Variants in CNTNAP2 observed in about 807,000 individuals in gnomAD.
CNTNAP2 encodes contactin-associated protein-like 2.
CNTNAP2 carries 98 observed loss-of-function variants against 155.2 expected under a neutral mutation model. The observed-to-expected ratio is 0.63, with a 90% CI of 0.54 to 0.75. The LOEUF (loss-of-function observed/expected upper bound fraction) is 0.75, where lower values mean the gene tolerates loss of function less well. CNTNAP2 is among the 30% of genes least tolerant of loss of function. The pLI is 0.00. For missense variants in CNTNAP2, 1,727 were observed against 1,688.1 expected (o/e 1.02, Z -0.40); for synonymous variants, 651 against 631.2 (o/e 1.03, Z -0.47).
At chr7:146,904,599 GTA>G (rs1465473130) in intron 3 of CNTNAP2, among the ~76,000 whole-genome samples, 1 of 152,114 alleles carries the variant, frequency 6.6e-6, no homozygotes, top group Non-Finnish European at 1.5e-5. Flanking sequence ...AGCCTCCTGA[GTA>G]GCTGGGACTA....
chr7:148,265,700 T>C (rs1032373178), intron 20 of CNTNAP2, among the ~76,000 whole-genome samples: 1 of 152,224 alleles, frequency 6.6e-6, no homozygotes, highest in African/African-American at 2.4e-5. Flanking sequence ...ATACTACTCA[T>C]GCACAAAAAC....
chr7:147,979,147 T>C (rs1214938818), intron 15 of CNTNAP2, among the ~76,000 whole-genome samples: 1 of 152,226 alleles, frequency 6.6e-6, no homozygotes, highest in Non-Finnish European at 1.5e-5. Context: ...AATGCCATGT[T>C]CCTAATACAA....
At chr7:147,960,145 T>C (rs761613878) in intron 14 of CNTNAP2, among the ~76,000 whole-genome samples, 1 of 152,116 alleles carries the variant, frequency 6.6e-6, no homozygotes, top group Non-Finnish European at 1.5e-5. Context: ...GGAGTGGTTA[T>C]AGTTTAGGCT....
intron 9 of CNTNAP2, among the ~76,000 whole-genome samples, chr7:147,320,813 T>G (rs558920529): frequency 1.3e-5 from 2 of 152,298 alleles, no homozygotes; most frequent in South Asian, 4.1e-4. Context: ...AGAAGCCATA[T>G]CGTGATCCTA....
chr7:147,802,487 T>C lies in CNTNAP2; in HGVS notation c.2099-101078T>C, dbSNP rs1405684317. 2.0e-5 allele frequency among the ~76,000 whole-genome samples: 3 copies of C among 152,236 alleles called. No homozygotes were observed. The East Asian group carries it at 5.8e-4, about 30-fold the overall frequency. The stretch of plus-strand genomic sequence containing the variant: ...CCACTGCACTCCAGCCTGGGCACCA[T>C]TGAGCACTGAGTGAACCAGACTCCG... On this transcript the variant is annotated intron_variant, in intron 13 of 23. Transcript: ENST00000361727.
At chr7:146,796,870 C>T (rs1802779856) in intron 2 of CNTNAP2, among the ~76,000 whole-genome samples, 1 of 152,140 alleles carries the variant, frequency 6.6e-6, no homozygotes, top group Non-Finnish European at 1.5e-5. Context: ...GGCGCGGTGG[C>T]TCACACCTGT....
chr7:146,747,468 A>G (rs1801828498), intron 1 of CNTNAP2, among the ~76,000 whole-genome samples: 1 of 152,184 alleles, frequency 6.6e-6, no homozygotes, highest in Non-Finnish European at 1.5e-5. Context: ...TTTTATTCTT[A>G]AGGAGGAAAA....
At chr7:146,816,009 G>T (rs765408950) in intron 2 of CNTNAP2, among the ~76,000 whole-genome samples, 4 of 152,172 alleles carry the variant, frequency 2.6e-5, no homozygotes, top group Non-Finnish European at 5.9e-5. Context: ...AGAACATGTG[G>T]TGTTTGGTTT....
chr7:146,744,227 C>CAAAA (rs60606492), intron 1 of CNTNAP2, among the ~76,000 whole-genome samples: 3,632 of 48,160 alleles, frequency 0.075, 367 homozygotes, highest in African/African-American at 0.14. Flanking sequence ...CACTCTGTCT[C>CAAAA]AAAAAAAAAA....
intron 1 of CNTNAP2, among the ~76,000 whole-genome samples, chr7:146,668,430 GT>G (rs1266953402): frequency 4.2e-5 from 1 of 23,920 alleles, no homozygotes; most frequent in Non-Finnish European, 1.1e-4. Flanking sequence ...TAATTTTCCT[GT>G]GTGTGTGTGT....
At chr7:148,247,459 T>C (rs1426279008) in intron 20 of CNTNAP2, among the ~76,000 whole-genome samples, 1 of 151,920 alleles carries the variant, frequency 6.6e-6, no homozygotes, top group Non-Finnish European at 1.5e-5. Context: ...CATCAGCAAA[T>C]AAGCATGCAG....
chr7:147,081,635 A>G (rs887568970), intron 4 of CNTNAP2: 1 of 137,450 alleles, frequency 7.3e-6, no homozygotes, highest in Non-Finnish European at 1.5e-5. Flanking sequence ...GTGTATTTTT[A>G]ATAGAGATGG....
chr7:147,247,536 T>C (rs1340338017), intron 8 of CNTNAP2, among the ~76,000 whole-genome samples: 1 of 152,226 alleles, frequency 6.6e-6, no homozygotes, highest in Non-Finnish European at 1.5e-5. Flanking sequence ...TTTACATTCA[T>C]TCATGTTTGC....
intron 1 of CNTNAP2, among the ~76,000 whole-genome samples, chr7:146,625,274 A>G (rs1799399784): frequency 6.6e-6 from 1 of 151,880 alleles, no homozygotes; most frequent in African/African-American, 2.4e-5. Context: ...AAAATTAAGG[A>G]CATGAGACAA....
At chr7:146,774,207 A>G (rs1802347328) in intron 1 of CNTNAP2, 64 bp from the exon 2 acceptor site, 11 of 1,156,172 alleles carry the variant, frequency 9.5e-6, no homozygotes, top group African/African-American at 1.5e-5. Flanking sequence ...TAACCAACAC[A>G]TACCAATCGT....
intron 13 of CNTNAP2, among the ~76,000 whole-genome samples, chr7:147,857,184 T>A (rs1399258099): frequency 6.6e-6 from 1 of 152,246 alleles, no homozygotes; most frequent in Non-Finnish European, 1.5e-5. Context: ...AAAATAAAAT[T>A]ATGTAAAGGT....
chr7:146,987,922 T>G (rs1347859967), intron 3 of CNTNAP2, among the ~76,000 whole-genome samples: 2 of 152,092 alleles, frequency 1.3e-5, no homozygotes, highest in African/African-American at 2.4e-5. Flanking sequence ...AGATAAACTT[T>G]CATTAAAGAA....
intron 12 of CNTNAP2, among the ~76,000 whole-genome samples, chr7:147,586,712 T>G (rs1295525815): frequency 1.3e-5 from 2 of 152,078 alleles, no homozygotes; most frequent in Non-Finnish European, 2.9e-5. Flanking sequence ...TGTTGGTTGT[T>G]CCTTGCACAA....
chr7:146,841,317 T>C (rs1803717892), intron 3 of CNTNAP2, among the ~76,000 whole-genome samples: 1 of 150,404 alleles, frequency 6.6e-6, no homozygotes, highest in African/African-American at 2.4e-5. Context: ...TTTGAAAGAG[T>C]TGCCCTTAAA....
Sources: allele counts gnomAD v4.1 joint callset (sites outside exome capture counted in the v4.1 genomes callset), GRCh38; gene constraint gnomAD v4.1.1; transcripts MANE v1.5; gene names NCBI Gene and HGNC (gene_info 2026-07-23, HGNC 2026-07-21).